SLC38A6: variants seen among roughly 807,000 people sequenced by gnomAD.
The protein encoded by SLC38A6 is N system amino acid transporter NAT-1.
Under a neutral mutation model 65.0 loss-of-function variants are expected in SLC38A6, and 73 were observed. The ratio of observed to expected loss-of-function variants is 1.12; its 90% CI spans 0.93 to 1.37. SLC38A6 has a LOEUF of 1.37. Ranked by LOEUF, SLC38A6 falls within the 40% of genes most tolerant of loss-of-function variation. The probability of loss-of-function intolerance (pLI) is 0.00; values close to 1 mark genes in which losing one functional copy is unlikely to be tolerated. For missense variants in SLC38A6, 561 were observed against 531.1 expected (o/e 1.06, Z -0.55); for synonymous variants, 183 against 178.8 (o/e 1.02, Z -0.19).
At chr14:60,999,876 G>A (rs1308394517) in intron 3 of SLC38A6, among the ~76,000 whole-genome samples, 1 of 152,318 alleles carries the variant, frequency 6.6e-6, no homozygotes, top group Non-Finnish European at 1.5e-5. Context: ...TTTAGACATC[G>A]TGAAACTGGT....
chr14:60,984,587 A>T (rs2037314290), intron 2 of SLC38A6, 143 bp from the exon 3 acceptor site: 1 of 535,818 alleles, frequency 1.9e-6, no homozygotes, highest in Non-Finnish European at 3.4e-6. Flanking sequence ...GTATCTTCTT[A>T]ATTTCCTTAA....
chr14:61,075,827 G>A (rs888296838), intron 15 of SLC38A6, among the ~76,000 whole-genome samples: 24 of 124,648 alleles, frequency 1.9e-4, no homozygotes, highest in Non-Finnish European at 3.7e-4. Flanking sequence ...GTGTGTGTGT[G>A]TGTGTATGTA....
intron 3 of SLC38A6, among the ~76,000 whole-genome samples, chr14:60,994,930 G>T (rs1404605726): frequency 6.8e-6 from 1 of 147,330 alleles, no homozygotes; most frequent in Admixed American, 6.9e-5. Context: ...CTTCAACCCA[G>T]GTGATGGAGG....
At chr14:61,005,849 A>C (rs1013202928) in intron 3 of SLC38A6, among the ~76,000 whole-genome samples, 6 of 152,200 alleles carry the variant, frequency 3.9e-5, no homozygotes, top group South Asian at 2.1e-4. Context: ...TATGGAACCA[A>C]AAAAGAGCCC....
intron 5 of SLC38A6, 108 bp from the exon 6 acceptor site, chr14:61,030,337 C>A: frequency 7.7e-6 from 5 of 646,636 alleles, no homozygotes; most frequent in Non-Finnish European, 7.9e-6. Flanking sequence ...TGTTAATCTT[C>A]CATATGTTGT....
At chr14:61,060,874 G>C (rs1187948749) in intron 15 of SLC38A6, among the ~76,000 whole-genome samples, 1 of 134,302 alleles carries the variant, frequency 7.4e-6, no homozygotes, top group African/African-American at 2.9e-5. Context: ...GGGTGGGAGT[G>C]ACCCGATTTT....
chr14:61,045,557 A>T, intron 11 of SLC38A6, 132 bp downstream of exon 11: 1 of 657,394 alleles, frequency 1.5e-6, no homozygotes, highest in Non-Finnish European at 2.5e-6. Flanking sequence ...GTTTAAAACA[A>T]AACAAACAAG....
chr14:61,006,592 C>T (rs1595041454), intron 3 of SLC38A6, among the ~76,000 whole-genome samples: 1 of 152,316 alleles, frequency 6.6e-6, no homozygotes, highest in Non-Finnish European at 1.5e-5. Flanking sequence ...CATCACTGGC[C>T]ATCAGAGAAA....
intron 3 of SLC38A6, among the ~76,000 whole-genome samples, chr14:61,014,766 C>T (rs567575383): frequency 1.3e-4 from 20 of 152,262 alleles, no homozygotes; most frequent in Admixed American, 5.2e-4. Context: ...GAGGAGTACC[C>T]GGCCGTGTGA....
intron 15 of SLC38A6, among the ~76,000 whole-genome samples, chr14:61,075,655 G>A (rs1174773119): frequency 1.3e-5 from 2 of 152,104 alleles, no homozygotes; most frequent in Admixed American, 1.3e-4. Flanking sequence ...GGTAGATCTT[G>A]GAGATTGGAG....
chr14:61,019,658 T>C, intron 5 of SLC38A6, 78 bp downstream of exon 5: 1 of 1,458,462 alleles, frequency 6.9e-7, no homozygotes. Context: ...TTACTACAGA[T>C]CTAGCTGGGA....
At chr14:60,999,582 C>T (rs1291005840) in intron 3 of SLC38A6, among the ~76,000 whole-genome samples, 3 of 152,154 alleles carry the variant, frequency 2.0e-5, no homozygotes, top group Non-Finnish European at 2.9e-5. Context: ...ACATCCTAGT[C>T]CCTGAAACCT....
intron 3 of SLC38A6, among the ~76,000 whole-genome samples, chr14:60,989,134 G>T (rs775651456): frequency 1.3e-5 from 2 of 152,118 alleles, no homozygotes; most frequent in Non-Finnish European, 2.9e-5. Flanking sequence ...AATCATAAAA[G>T]AATTTTATAA....
chr14:61,036,926 CT>C (rs1303560819), intron 6 of SLC38A6, 132 bp from the exon 7 acceptor site: 1 of 489,428 alleles, frequency 2.0e-6, no homozygotes, highest in Non-Finnish European at 3.6e-6. Flanking sequence ...AGGAAGTAGG[CT>C]TTTCCTAATA....
At chr14:61,066,864 T>A (rs573012599) in intron 15 of SLC38A6, among the ~76,000 whole-genome samples, 5 of 152,306 alleles carry the variant, frequency 3.3e-5, no homozygotes, top group Admixed American at 3.3e-4. Flanking sequence ...CTAGTGTTCA[T>A]CAGTGGACAG....
chr14:61,052,814 A>G (rs2042580200), downstream of SLC38A6: 1 of 153,346 alleles, frequency 6.5e-6, no homozygotes, highest in Admixed American at 6.6e-5. Flanking sequence ...AATATTAACT[A>G]TTATTATTAA....
At chr14:61,054,292 T>G (rs1281525188), downstream of SLC38A6, among the ~76,000 whole-genome samples, 3 of 152,216 alleles carry the variant, frequency 2.0e-5, no homozygotes, top group Admixed American at 6.5e-5. Flanking sequence ...TAGTATAGTT[T>G]GAAGTGGGTT....
At chr14:61,079,603 C>T (rs944469589) in intron 16 of SLC38A6, among the ~76,000 whole-genome samples, 4 of 152,314 alleles carry the variant, frequency 2.6e-5, no homozygotes, top group Non-Finnish European at 5.9e-5. Flanking sequence ...CTATGCTCAA[C>T]ATCTTGATGC....
intron 15 of SLC38A6, among the ~76,000 whole-genome samples, chr14:61,066,819 A>C (rs576557033): frequency 3.3e-5 from 5 of 152,254 alleles, no homozygotes; most frequent in African/African-American, 1.2e-4. Flanking sequence ...GTTGAAACCC[A>C]TGTTGTTCAA....
Sources: gnomAD v4.1 joint callset for allele counts (sites outside exome capture counted in the v4.1 genomes callset) on GRCh38, gnomAD v4.1.1 for gene constraint, MANE v1.5 for transcripts, NCBI Gene and HGNC (gene_info 2026-07-23, HGNC 2026-07-21) for gene names.